The following DIO2 variants were observed in gnomAD, a reference collection of about 807,000 sequenced individuals.
DIO2 encodes type II iodothyronine deiodinase.
Under a neutral mutation model 21.4 loss-of-function variants are expected in DIO2, and 19 were observed. The observed-to-expected ratio is 0.89, with a 90% CI of 0.62 to 1.30. The LOEUF (loss-of-function observed/expected upper bound fraction) is 1.30. Among genes scored for constraint, DIO2 ranks in the 50% most tolerant of loss-of-function variants. The pLI is 0.00. For missense variants in DIO2, 302 were observed against 338.1 expected (o/e 0.89, Z 0.84); for synonymous variants, 122 against 132.9 (o/e 0.92, Z 0.57).
intron 2 of DIO2, among the ~76,000 whole-genome samples, chr14:80,218,238 CAA>C (rs11345521): frequency 6.8e-6 from 1 of 146,840 alleles, no homozygotes; most frequent in African/African-American, 2.5e-5. Flanking sequence ...AACAAACAAA[CAA>C]AAAAAAAACA....
Position 80,228,472 on chromosome 14 carries a change from A to C in DIO2, c.-277-11735T>G, listed in dbSNP as rs149251866. ...GTCTTCTACACAGACCAAATGGGAGAGTTGAATGGGGATGTGGTGGGAATC... is the reference window on the plus strand; with the variant it reads ...GTCTTCTACACAGACCAAATGGGAGCGTTGAATGGGGATGTGGTGGGAATC... On this transcript the variant is annotated intron_variant, in intron 2 of 4. Transcript: ENST00000553594. 2.6e-5 allele frequency among the ~76,000 whole-genome samples: 4 copies of C among 152,288 alleles called. No individual in the cohort carries two copies. The East Asian group carries it at 7.7e-4, about 29-fold the overall frequency.
chr14:80,215,090 T>TA (rs1184895079), upstream of DIO2, among the ~76,000 whole-genome samples: 1 of 152,228 alleles, frequency 6.6e-6, no homozygotes, highest in Non-Finnish European at 1.5e-5. Flanking sequence ...AGGGCTTGGC[T>TA]ATCTTCTTGG....
chr14:80,223,346 G>A (rs979170410), intron 2 of DIO2, among the ~76,000 whole-genome samples: 7 of 152,266 alleles, frequency 4.6e-5, no homozygotes, highest in Admixed American at 2.0e-4. Flanking sequence ...ACAATAGTGC[G>A]TTCTTTAAAA....
chr14:80,200,424 T>C lies in DIO2; in HGVS notation c.*2265A>G, dbSNP rs1445088515. ...CTAGCACTGCCTCAGCCTAATCTCA[T>C]CCCCCCACCGGCTTATCTGACATAC... On this transcript the variant is annotated 3_prime_UTR_variant, in exon 2 of 2. Transcript: ENST00000438257. 6.6e-6 allele frequency: 1 copy of C among 152,140 alleles called. No homozygotes were observed. The highest frequency in any genetic ancestry group is 2.4e-5 in the African/African-American group (1 of 41,252). 9.4% of individuals were successfully genotyped at this position (152,140 alleles called of 1,614,324 possible).
At chr14:80,219,094 C>A (rs1399229483) in intron 2 of DIO2, among the ~76,000 whole-genome samples, 1 of 152,132 alleles carries the variant, frequency 6.6e-6, no homozygotes, top group Non-Finnish European at 1.5e-5. Flanking sequence ...TGTCCTGGGA[C>A]CTGAAAACTA....
At chr14:80,214,812 T>C (rs1888313624), upstream of DIO2, among the ~76,000 whole-genome samples, 2 of 152,212 alleles carry the variant, frequency 1.3e-5, no homozygotes. Flanking sequence ...GTATGACTTT[T>C]CCCATCATAT....
At chr14:80,206,120 T>A in intron 1 of DIO2, 1 of 764,458 alleles carries the variant, frequency 1.3e-6, no homozygotes, top group Non-Finnish European at 2.1e-6. Flanking sequence ...TTACTGAATG[T>A]TATAATGTCA....
chr14:80,224,681 T>C (rs1263603095), intron 2 of DIO2, among the ~76,000 whole-genome samples: 1 of 152,174 alleles, frequency 6.6e-6, no homozygotes, highest in Admixed American at 6.5e-5. Flanking sequence ...TAATCTGTTA[T>C]AGCAGCCACA....
intron 1 of DIO2, among the ~76,000 whole-genome samples, chr14:80,209,794 A>C (rs753058508): frequency 8.5e-5 from 13 of 152,210 alleles, no homozygotes; most frequent in Admixed American, 2.0e-4. Context: ...GGTTACTATC[A>C]ATAATAAAGA....
chr14:80,203,301 A>AG lies in DIO2; in HGVS notation c.223-14_223-13insC. 1 of 1,482,136 alleles carries AG rather than the reference A, an allele frequency of 6.7e-7. No homozygotes were observed. The highest frequency in any genetic ancestry group is 9.0e-7 in the Non-Finnish European group (1 of 1,109,338). 91.8% of individuals were successfully genotyped at this position (1,482,136 alleles called of 1,614,324 possible). Reference sequence around the variant, plus strand: ...CACCCAATTTCACCTGACGGTAAAAAAAAAAAAAAAGAAGAAGAAGAAGAA... The same window carrying AG: ...CACCCAATTTCACCTGACGGTAAAAAGAAAAAAAAAAGAAGAAGAAGAAGAA... On this transcript the variant is annotated splice_polypyrimidine_tract_variant and intron_variant, in intron 1 of 1. Transcript: ENST00000438257.
upstream of DIO2, among the ~76,000 whole-genome samples, chr14:80,213,076 A>C (rs1011357038): frequency 2.0e-5 from 3 of 152,162 alleles, no homozygotes; most frequent in Non-Finnish European, 2.9e-5. Context: ...TGTTTGAAAA[A>C]AATTTTAATT....
upstream of DIO2, chr14:80,211,514 C>A: frequency 1.4e-6 from 2 of 1,410,482 alleles, no homozygotes; most frequent in Non-Finnish European, 1.9e-6. Flanking sequence ...CGCTCTGGTT[C>A]CCCTTCACCC....
At chr14:80,224,831 G>A (rs1012493537) in intron 2 of DIO2, among the ~76,000 whole-genome samples, 4 of 152,258 alleles carry the variant, frequency 2.6e-5, no homozygotes, top group African/African-American at 9.6e-5. Flanking sequence ...GGGTTCCCTA[G>A]AGGGACAGAA....
intron 2 of DIO2, among the ~76,000 whole-genome samples, chr14:80,225,945 G>T (rs1566669204): frequency 6.6e-6 from 1 of 152,104 alleles, no homozygotes; most frequent in Non-Finnish European, 1.5e-5. Context: ...TGGAATCATT[G>T]TTGTGTCTCC....
chr14:80,224,810 T>G (rs1257464908), intron 2 of DIO2, among the ~76,000 whole-genome samples: 1 of 152,190 alleles, frequency 6.6e-6, no homozygotes, highest in African/African-American at 2.4e-5. Flanking sequence ...CAACGTACTA[T>G]GTATTACTCA....
At chr14:80,217,591 T>G (rs531072248) in intron 2 of DIO2, among the ~76,000 whole-genome samples, 1 of 152,316 alleles carries the variant, frequency 6.6e-6, no homozygotes, top group South Asian at 2.1e-4. Context: ...ATTTATTAGA[T>G]GGACACTGGG....
At chr14:80,229,014 T>G (rs1305316126) in intron 2 of DIO2, among the ~76,000 whole-genome samples, 2 of 152,130 alleles carry the variant, frequency 1.3e-5, no homozygotes, top group Non-Finnish European at 2.9e-5. Context: ...CATAATGTAG[T>G]GGGGTCCTAA....
rs1180768651 is a variant in DIO2, at chr14:80,227,276, AGGCAGGGT to A, written c.-277-10547_-277-10540del. ...CCATTGGTGTAGGCTGGGGAAGAGA[AGGCAGGGT>A]GGCAGGAGTGGAGACCATGGGCATT... On this transcript the variant is annotated intron_variant, in intron 2 of 4. Transcript: ENST00000553594. Among the ~76,000 whole-genome samples, 62 of 152,296 alleles carry A rather than the reference AGGCAGGGT, an allele frequency of 4.1e-4. 1 individual carries two copies. The highest frequency in any genetic ancestry group is 3.4e-3 in the Middle Eastern group (1 of 294).
rs1172165386 is a variant in DIO2 at position 80,201,721 on chromosome 14, A to G, written c.*968T>C. 1 of 152,258 alleles carries G rather than the reference A, an allele frequency of 6.6e-6. No homozygotes were observed. Among genetic ancestry groups the G allele is most frequent in the Non-Finnish European group, 1.5e-5 (1 of 68,118 alleles). 9.4% of individuals were successfully genotyped at this position (152,258 alleles called of 1,614,324 possible). On this transcript the variant is annotated 3_prime_UTR_variant, in exon 2 of 2. Coordinates refer to ENST00000438257, the MANE Select transcript of DIO2 (RefSeq NM_013989.5). ...ATACCACATACATGGTTCAAAAGTA[A>G]TTATTTCCAAAAGAAACCCCTCACA...
Sources: allele counts gnomAD v4.1 joint callset (sites outside exome capture counted in the v4.1 genomes callset), GRCh38; gene constraint gnomAD v4.1.1; transcripts MANE v1.5; gene names NCBI Gene and HGNC (gene_info 2026-07-23, HGNC 2026-07-21).